Variants in ACTR1A observed in about 807,000 individuals in gnomAD.
ACTR1A encodes actin related protein 1A, also known as alpha-centractin.
In ACTR1A, 10 loss-of-function variants were observed where a neutral mutation model predicts 50.7. The ratio of observed to expected loss-of-function variants is 0.20; its 90% confidence interval spans 0.12 to 0.33. The LOEUF is 0.33. Ranked by LOEUF, ACTR1A falls within the 10% of genes least tolerant of loss-of-function variation. The pLI, the probability that ACTR1A is intolerant of heterozygous loss-of-function variation, is 1.00. For synonymous variants in ACTR1A, 177 were observed against 184.2 expected, an observed-to-expected ratio of 0.96 and a Z score of 0.32; for missense variants, 253 against 491.7, an observed-to-expected ratio of 0.51 and a Z score of 4.59.
At position 102,481,818 on chromosome 10, in the gene ACTR1A, G is replaced by C. The variant is rs761741780; in HGVS notation, c.987+19C>G. On this transcript the variant is annotated intron_variant, in intron 9 of 10. Coordinates refer to ENST00000369905, the MANE Select transcript of ACTR1A (RefSeq NM_005736.4). The stretch of plus-strand genomic sequence containing the variant: ...TGGAAGCCTAGTTCCACCCAGGCCA[G>C]GCCCCACCATGCTCCTACCCTGATC... 6.2e-7 allele frequency: 1 copy of C among 1,612,166 alleles called. No homozygotes were observed. Among genetic ancestry groups the C allele is most frequent in the South Asian group, 1.1e-5 (1 of 91,002 alleles).
intron 1 of ACTR1A, among the ~76,000 whole-genome samples, chr10:102,493,173 G>A (rs1011398375): frequency 6.6e-6 from 1 of 152,182 alleles, no homozygotes; most frequent in Non-Finnish European, 1.5e-5. Flanking sequence ...AAGGAGCCTG[G>A]AAAAGGTGCA....
chr10:102,490,461 C>A, intron 2 of ACTR1A, 88 bp downstream of exon 2: 6 of 1,069,390 alleles, frequency 5.6e-6, no homozygotes. Context: ...CCTTTGTTGA[C>A]TCCAAACTCG....
intron 6 of ACTR1A, 28 bp from the exon 7 acceptor site, chr10:102,483,131 T>C: frequency 6.4e-7 from 1 of 1,552,038 alleles, no homozygotes; most frequent in Non-Finnish European, 8.9e-7. Flanking sequence ...ACAGTCAGGC[T>C]GGCAGGAAAT....
intron 1 of ACTR1A, among the ~76,000 whole-genome samples, chr10:102,494,734 T>C (rs2062211813): frequency 6.6e-6 from 1 of 151,820 alleles, no homozygotes; most frequent in Admixed American, 6.6e-5. Context: ...TGAGGGAGGA[T>C]TGCTTGAGGC....
chr10:102,494,082 T>G (rs1008849745), intron 1 of ACTR1A, among the ~76,000 whole-genome samples: 1 of 152,234 alleles, frequency 6.6e-6, no homozygotes, highest in Non-Finnish European at 1.5e-5. Flanking sequence ...ACAAAAGGGT[T>G]ATGTCCATTT....
At chr10:102,502,229 A>C (rs189346969) in intron 1 of ACTR1A, among the ~76,000 whole-genome samples, 1 of 152,190 alleles carries the variant, frequency 6.6e-6, no homozygotes, top group East Asian at 1.9e-4. Flanking sequence ...TCATCCGGCA[A>C]GGCTAAGAGG....
At position 102,479,373 on chromosome 10, in the gene ACTR1A, G is replaced by T; in HGVS notation, c.*1490C>A. The T allele has an allele frequency of 1.1e-5, 4 of 369,700 alleles. 1 individual carries two copies. The highest frequency in any genetic ancestry group is 8.2e-5 in the South Asian group (4 of 48,998). The allele number at this position is 369,700 out of a possible 1,614,324, so 22.9% of individuals were successfully genotyped here. Reference sequence around the variant, plus strand: ...CGCACTGCAGTCCGCGGGGCGCTACGTTGCTTTCACACATACCTGCTGCTG... The same window carrying T: ...CGCACTGCAGTCCGCGGGGCGCTACTTTGCTTTCACACATACCTGCTGCTG... On this transcript the variant is annotated 3_prime_UTR_variant, in exon 11 of 11. Transcript: ENST00000369905. The surrounding 1 kb of genome is among the most constrained non-coding windows in gnomAD (Gnocchi z 4.0).
At chr10:102,483,292 A>G (rs1282721286) in intron 6 of ACTR1A, 189 bp from the exon 7 acceptor site, 1 of 588,322 alleles carries the variant, frequency 1.7e-6, no homozygotes, top group Non-Finnish European at 3.0e-6. Context: ...GGCATTTAGC[A>G]TATGAGTTCT....
chr10:102,499,737 A>G (rs1241925332), intron 1 of ACTR1A, among the ~76,000 whole-genome samples: 2 of 152,236 alleles, frequency 1.3e-5, no homozygotes, highest in Admixed American at 1.3e-4. Flanking sequence ...ACTAAGAAAA[A>G]GGCAGAAGAA....
rs2062127432 is a variant in ACTR1A at position 102,479,451 on chromosome 10, C to T, written c.*1412G>A. On this transcript the variant is annotated 3_prime_UTR_variant, in exon 11 of 11. Coordinates refer to ENST00000369905, the MANE Select transcript of ACTR1A (RefSeq NM_005736.4). This position sits in a 1 kb window ranked among gnomAD's most constrained non-coding sequence, Gnocchi z 4.0. ...TCATAGGACGGCGTGGGGGAGAATACTGTGTGAAGTCTGGGATTGGGGTGG... is the reference window on the plus strand; with the variant it reads ...TCATAGGACGGCGTGGGGGAGAATATTGTGTGAAGTCTGGGATTGGGGTGG... 2.4e-6 allele frequency: 1 copy of T among 414,310 alleles called. No individual in the cohort carries two copies. The highest frequency in any genetic ancestry group is 4.4e-6 in the Non-Finnish European group (1 of 228,204). The allele number at this position is 414,310 out of a possible 1,614,324, so 25.7% of individuals were successfully genotyped here. A position where few individuals can be genotyped will look rare whatever the true frequency, so the allele number is the denominator to read the frequency against.
chr10:102,498,663 A>C (rs1228893144), intron 1 of ACTR1A, among the ~76,000 whole-genome samples: 3 of 151,442 alleles, frequency 2.0e-5, no homozygotes, highest in Non-Finnish European at 4.4e-5. Flanking sequence ...AGTAGAGATG[A>C]AGTCTCACTA....
chr10:102,492,069 C>CTTTTT (rs71016386), intron 1 of ACTR1A, among the ~76,000 whole-genome samples: 15 of 92,332 alleles, frequency 1.6e-4, no homozygotes, highest in South Asian at 4.1e-4. Context: ...CGTGCCCGGC[C>CTTTTT]TTTTTTTTTT....
chr10:102,482,819 G>GAA lies in ACTR1A; in HGVS notation c.750+190_750+191dup. The stretch of plus-strand genomic sequence containing the variant: ...GCAAAAGAATCTCATAATGTTTTAA[G>GAA]AAAGTTTACGACTTTGTGTTGGGCC... On this transcript the variant is annotated intron_variant, in intron 7 of 10. Coordinates refer to ENST00000369905, the MANE Select transcript of ACTR1A (RefSeq NM_005736.4). The surrounding 1 kb of genome is among the most constrained non-coding windows in gnomAD (Gnocchi z 5.6). 1 of 588,234 alleles carries GAA rather than the reference G, an allele frequency of 1.7e-6. No homozygotes were observed. Among genetic ancestry groups the GAA allele is most frequent in the South Asian group, 2.2e-5 (1 of 45,238 alleles). The allele number at this position is 588,234 out of a possible 1,614,324, so 36.4% of individuals were successfully genotyped here.
At position 102,481,192 on chromosome 10, in the gene ACTR1A, A is replaced by C. The variant is rs780287008; in HGVS notation, c.988-20T>G. 2 of 1,570,752 alleles carry C rather than the reference A, an allele frequency of 1.3e-6. No individual in the cohort carries two copies. The highest frequency in any genetic ancestry group is 1.9e-5 in the Admixed American group (1 of 51,896). On this transcript the variant is annotated intron_variant, in intron 9 of 10. Transcript: ENST00000369905. ...AGATATCTGCAAAGGTGGGGGAAAG[A>C]GGAATCTGAGACTTCCAGCCCTCCC...
chr10:102,501,293 A>T (rs1176270984), intron 1 of ACTR1A, among the ~76,000 whole-genome samples: 13 of 152,228 alleles, frequency 8.5e-5, no homozygotes, highest in Admixed American at 8.5e-4. Flanking sequence ...GTTATTTAAC[A>T]TCCCTGCATA....
chr10:102,496,423 C>T (rs1296025486), intron 1 of ACTR1A, among the ~76,000 whole-genome samples: 1 of 152,200 alleles, frequency 6.6e-6, no homozygotes, highest in Non-Finnish European at 1.5e-5. Context: ...AATCCCTATT[C>T]TAGGCATTTG....
At chr10:102,495,129 T>C (rs1002027694) in intron 1 of ACTR1A, among the ~76,000 whole-genome samples, 2 of 151,996 alleles carry the variant, frequency 1.3e-5, no homozygotes, top group Non-Finnish European at 2.9e-5. Context: ...ATTTAAAAAT[T>C]ACTCGGGTGT....
intron 4 of ACTR1A, among the ~76,000 whole-genome samples, chr10:102,486,505 C>T (rs927178238): frequency 2.0e-5 from 3 of 152,084 alleles, no homozygotes; most frequent in Admixed American, 2.0e-4. Flanking sequence ...GCCTGACCAA[C>T]ATGGAGAAAC....
At chr10:102,487,203 C>A (rs1030694461) in intron 4 of ACTR1A, among the ~76,000 whole-genome samples, 3 of 152,092 alleles carry the variant, frequency 2.0e-5, no homozygotes, top group Non-Finnish European at 4.4e-5. Context: ...ATTGCCTGAA[C>A]CCAGGAGTTC....
Sources: gnomAD v4.1 joint callset for allele counts (sites outside exome capture counted in the v4.1 genomes callset) on GRCh38, gnomAD v4.1.1 for gene constraint, Gnocchi (gnomAD v3.1) non-coding constraint, MANE v1.5 for transcripts, NCBI Gene and HGNC (gene_info 2026-07-23, HGNC 2026-07-21) for gene names.